PHACTR4: variants seen among roughly 807,000 people sequenced by gnomAD.
The protein encoded by PHACTR4 is phosphatase and actin regulator 4, also known as protein phosphatase 1, regulatory subunit 124.
In PHACTR4, 51 loss-of-function variants were observed where a neutral mutation model predicts 72.7. The observed-to-expected ratio is 0.70, with a 90% CI of 0.56 to 0.89. PHACTR4 has a LOEUF of 0.89. Ranked by LOEUF, PHACTR4 falls within the 40% of genes least tolerant of loss-of-function variation. PHACTR4 has a pLI of 0.00. For missense variants in PHACTR4, 731 were observed against 861.8 expected, an observed-to-expected ratio of 0.85 and a Z score of 1.90; for synonymous variants, 255 against 302.5, an observed-to-expected ratio of 0.84 and a Z score of 1.63.
chr1:28,398,436 C>T (rs1569824201), intron 1 of PHACTR4, among the ~76,000 whole-genome samples: 1 of 152,168 alleles, frequency 6.6e-6, no homozygotes, highest in Admixed American at 6.6e-5. Context: ...AGGAGAATCA[C>T]TTGAACCCCA....
chr1:28,436,524 C>T (rs1318063371), intron 2 of PHACTR4, among the ~76,000 whole-genome samples: 3 of 152,132 alleles, frequency 2.0e-5, no homozygotes, highest in African/African-American at 7.2e-5. Context: ...AATAAATATA[C>T]CTCACAATGC....
chr1:28,478,775 T>G (rs2124518076), intron 8 of PHACTR4, among the ~76,000 whole-genome samples: 1 of 148,832 alleles, frequency 6.7e-6, no homozygotes, highest in Non-Finnish European at 1.5e-5. Context: ...TTTTTAAGGG[T>G]GTTTTGTTTG....
At chr1:28,484,558 AATATATATGTGTGT>A (rs1660507195) in intron 9 of PHACTR4, among the ~76,000 whole-genome samples, 1 of 151,294 alleles carries the variant, frequency 6.6e-6, no homozygotes, top group African/African-American at 2.4e-5. Context: ...GTGTGTATGT[AATATATATGTGTGT>A]ATGTAATATA....
At chr1:28,457,785 A>G in intron 2 of PHACTR4, 4 of 978,850 alleles carry the variant, frequency 4.1e-6, no homozygotes, top group Non-Finnish European at 4.9e-6. Flanking sequence ...TTCCACTTTA[A>G]TTTCAGGATG....
chr1:28,442,316 T>A (rs1251185351), intron 2 of PHACTR4, among the ~76,000 whole-genome samples: 1 of 151,728 alleles, frequency 6.6e-6, no homozygotes, highest in East Asian at 2.0e-4. Flanking sequence ...ATACAAAAAT[T>A]AGCTGAGCAT....
chr1:28,489,080 G>A, intron 9 of PHACTR4, 90 bp from the exon 10 acceptor site: 2 of 840,684 alleles, frequency 2.4e-6, no homozygotes, highest in South Asian at 1.7e-5. Context: ...TACTTATATA[G>A]GGGCTAATAT....
At chr1:28,486,480 T>C (rs952390643) in intron 9 of PHACTR4, among the ~76,000 whole-genome samples, 4 of 152,236 alleles carry the variant, frequency 2.6e-5, no homozygotes, top group African/African-American at 9.6e-5. Context: ...TACACAGTTG[T>C]ACATATTTAC....
chr1:28,487,632 G>A (rs1307443191), intron 9 of PHACTR4, among the ~76,000 whole-genome samples: 1 of 149,456 alleles, frequency 6.7e-6, no homozygotes, highest in Non-Finnish European at 1.5e-5. Context: ...GCAAGTACTA[G>A]CTAATTAGCC....
At chr1:28,487,443 A>G (rs2124544839) in intron 9 of PHACTR4, among the ~76,000 whole-genome samples, 1 of 143,392 alleles carries the variant, frequency 7.0e-6, no homozygotes, top group Admixed American at 7.4e-5. Flanking sequence ...TGAGCCTAGG[A>G]GGTGGAGCTG....
intron 2 of PHACTR4, among the ~76,000 whole-genome samples, chr1:28,430,399 A>G (rs1162092858): frequency 6.6e-6 from 1 of 152,092 alleles, no homozygotes; most frequent in African/African-American, 2.4e-5. Flanking sequence ...GAAGGGAGCA[A>G]TTTGTACAAA....
intron 2 of PHACTR4, among the ~76,000 whole-genome samples, chr1:28,450,130 C>T (rs1055477286): frequency 6.6e-5 from 10 of 152,052 alleles, no homozygotes; most frequent in African/African-American, 2.2e-4. Flanking sequence ...GCCTCCACCC[C>T]CTCCAAAAAA....
At chr1:28,452,794 T>G (rs1032210418) in intron 2 of PHACTR4, among the ~76,000 whole-genome samples, 1 of 143,748 alleles carries the variant, frequency 7.0e-6, no homozygotes, top group African/African-American at 2.6e-5. Context: ...AGACTCCATC[T>G]CAAAAAATAA....
intron 1 of PHACTR4, among the ~76,000 whole-genome samples, chr1:28,397,776 A>G (rs889191874): frequency 2.0e-5 from 3 of 151,172 alleles, no homozygotes; most frequent in East Asian, 1.9e-4. Context: ...GCTCACTGCA[A>G]CCTCCACCTC....
intron 1 of PHACTR4, among the ~76,000 whole-genome samples, chr1:28,371,272 C>G (rs1210082190): frequency 1.3e-5 from 2 of 151,968 alleles, no homozygotes; most frequent in Non-Finnish European, 2.9e-5. Context: ...GCCACTGTGC[C>G]CGACTATTTA....
At chr1:28,437,804 G>T (rs1349443503) in intron 2 of PHACTR4, among the ~76,000 whole-genome samples, 1 of 152,154 alleles carries the variant, frequency 6.6e-6, no homozygotes, top group African/African-American at 2.4e-5. Context: ...TATATAAATT[G>T]TAAGGGGACA....
intron 2 of PHACTR4, among the ~76,000 whole-genome samples, chr1:28,420,100 A>G (rs1655414396): frequency 6.6e-6 from 1 of 152,130 alleles, no homozygotes; most frequent in South Asian, 2.1e-4. Context: ...CAAAAAATAC[A>G]AAAATGAACT....
intron 2 of PHACTR4, among the ~76,000 whole-genome samples, chr1:28,413,423 A>C (rs983274784): frequency 3.3e-5 from 5 of 152,150 alleles, no homozygotes; most frequent in Non-Finnish European, 7.4e-5. Context: ...TTTTCCTGAC[A>C]GCTTTGCTTC....
intron 4 of PHACTR4, among the ~76,000 whole-genome samples, chr1:28,463,497 T>A (rs1457553541): frequency 6.6e-6 from 1 of 152,230 alleles, no homozygotes; most frequent in Non-Finnish European, 1.5e-5. Flanking sequence ...AACTTTATTA[T>A]GTTGTTTTCA....
chr1:28,385,410 G>A (rs1342981370), intron 1 of PHACTR4, among the ~76,000 whole-genome samples: 5 of 151,744 alleles, frequency 3.3e-5, no homozygotes, highest in Non-Finnish European at 7.4e-5. Context: ...CAGGCATGGT[G>A]GTGCATGCCT....
Sources: allele counts gnomAD v4.1 joint callset (sites outside exome capture counted in the v4.1 genomes callset), GRCh38; gene constraint gnomAD v4.1.1; transcripts MANE v1.5; gene names NCBI Gene and HGNC (gene_info 2026-07-23, HGNC 2026-07-21).